Variants in PLD5 observed in about 807,000 individuals in gnomAD.
PLD5 encodes inactive phospholipase D5.
In PLD5, 36 loss-of-function variants were observed where a neutral mutation model predicts 61.1. The ratio of observed to expected loss-of-function variants is 0.59; its 90% CI spans 0.45 to 0.78. The LOEUF is 0.78. Ranked by LOEUF, PLD5 falls within the 30% of genes least tolerant of loss-of-function variation. The pLI, the probability that PLD5 is intolerant of heterozygous loss-of-function variation, is 0.00. For synonymous variants in PLD5, 243 were observed against 242.8 expected (o/e 1.00, Z -0.01); for missense variants, 515 against 644.4 (o/e 0.80, Z 2.17).
chr1:242,331,390 G>A (rs1450033835), intron 2 of PLD5, among the ~76,000 whole-genome samples: 2 of 151,952 alleles, frequency 1.3e-5, no homozygotes, highest in Non-Finnish European at 2.9e-5. Flanking sequence ...AAATGTCACT[G>A]CTGCCTTCTT....
intron 1 of PLD5, among the ~76,000 whole-genome samples, chr1:242,484,974 A>G (rs1382024539): frequency 6.6e-6 from 1 of 152,202 alleles, no homozygotes; most frequent in Non-Finnish European, 1.5e-5. Context: ...GATTATCTCA[A>G]TAGATGCAGA....
chr1:242,179,286 G>A (rs1039466286), intron 5 of PLD5, among the ~76,000 whole-genome samples: 9 of 152,130 alleles, frequency 5.9e-5, no homozygotes, highest in African/African-American at 2.2e-4. Context: ...GAGGGCAAGG[G>A]GAGCAGACGG....
rs1023875557 is a variant in PLD5 at position 242,449,847 on chromosome 1, G to A, written c.189+74241C>T. On this transcript the variant is annotated intron_variant, in intron 1 of 9. Transcript: ENST00000536534. ...AGGAGAATCCTGCCTAGACAAAGAC[G>A]AGCGAAGAGGGGCAATGCTGACGAG... Among the ~76,000 whole-genome samples the A allele has an allele frequency of 3.3e-5, 5 of 152,282 alleles. 1 individual carries two copies. In the South Asian group the frequency reaches 6.2e-4, roughly 19 times the overall value.
chr1:242,220,244 A>C lies in PLD5; in HGVS notation c.608-129T>G. Reference sequence around the variant, plus strand: ...TGACATTTAGGAAAGCTAAATATTTATGTTAGTTTGGTGGAGAGAAGGTCC... The same window carrying C: ...TGACATTTAGGAAAGCTAAATATTTCTGTTAGTTTGGTGGAGAGAAGGTCC... On this transcript the variant is annotated intron_variant, in intron 4 of 9. Coordinates refer to ENST00000536534, the MANE Select transcript of PLD5 (RefSeq NM_001372062.1). 2.4e-6 allele frequency: 3 copies of C among 1,258,098 alleles called. No homozygotes were observed. The East Asian group carries it at 7.3e-5, about 30-fold the overall frequency. 77.9% of individuals were successfully genotyped at this position (1,258,098 alleles called of 1,614,324 possible). A position where few individuals can be genotyped will look rare whatever the true frequency, so the allele number is the denominator to read the frequency against.
intron 3 of PLD5, among the ~76,000 whole-genome samples, chr1:242,286,800 A>G (rs1675051264): frequency 6.6e-6 from 1 of 152,180 alleles, no homozygotes; most frequent in Non-Finnish European, 1.5e-5. Flanking sequence ...GATCTAGCCA[A>G]AGAGCCCACG....
chr1:242,387,616 TTGTATTTTA>T (rs1662669139), intron 1 of PLD5, among the ~76,000 whole-genome samples: 2 of 150,042 alleles, frequency 1.3e-5, no homozygotes, highest in East Asian at 3.9e-4. Flanking sequence ...CATATATATT[TTGTATTTTA>T]TCTATTTTAT....
intron 5 of PLD5, among the ~76,000 whole-genome samples, chr1:242,208,219 C>A (rs1669566576): frequency 6.6e-6 from 1 of 151,688 alleles, no homozygotes; most frequent in African/African-American, 2.4e-5. Context: ...CTTCAGCATG[C>A]CTGCACAGGT....
chr1:242,194,632 ATCT>A, intron 5 of PLD5, among the ~76,000 whole-genome samples: 1 of 125,012 alleles, frequency 8.0e-6, no homozygotes, highest in African/African-American at 3.0e-5. Flanking sequence ...CTATCTATCT[ATCT>A]ATCTATCTAT....
Position 242,323,816 on chromosome 1 carries a change from C to T in PLD5, c.326+24290G>A, listed in dbSNP as rs544824883. On this transcript the variant is annotated intron_variant, in intron 2 of 9. Coordinates refer to ENST00000536534, the MANE Select transcript of PLD5 (RefSeq NM_001372062.1). ...TCTAGTACTAAAATGTTTAAATGGA[C>T]TCTGCATAGAGGATCAGAGGTTTCC... Among the ~76,000 whole-genome samples the T allele has an allele frequency of 1.2e-4, 18 of 152,148 alleles. 1 individual carries two copies. The East Asian group carries it at 3.5e-3, about 29-fold the overall frequency.
chr1:242,499,969 C>T (rs2342270), intron 1 of PLD5, among the ~76,000 whole-genome samples: 12,165 of 152,172 alleles, frequency 0.08, 1,220 homozygotes, highest in African/African-American at 0.24. Flanking sequence ...GATGGCTGAC[C>T]ACAGTGCTTA....
At chr1:242,498,228 G>T (rs1247041253) in intron 1 of PLD5, among the ~76,000 whole-genome samples, 1 of 152,224 alleles carries the variant, frequency 6.6e-6, no homozygotes, top group Non-Finnish European at 1.5e-5. Flanking sequence ...CTCCCGAAGT[G>T]CTGGGATTAC....
At chr1:242,484,479 G>T (rs562117822) in intron 1 of PLD5, among the ~76,000 whole-genome samples, 4 of 152,108 alleles carry the variant, frequency 2.6e-5, no homozygotes, top group Admixed American at 1.3e-4. Flanking sequence ...TAAATTCCTC[G>T]ACACGTACAC....
intron 1 of PLD5, among the ~76,000 whole-genome samples, chr1:242,448,302 T>C (rs1364392911): frequency 6.6e-6 from 1 of 152,164 alleles, no homozygotes; most frequent in Non-Finnish European, 1.5e-5. Context: ...CTTTCTGAGT[T>C]GCTGGAAAGG....
intron 5 of PLD5, among the ~76,000 whole-genome samples, chr1:242,194,575 T>TATCA (rs1553320975): frequency 1.5e-5 from 1 of 66,056 alleles, no homozygotes; most frequent in African/African-American, 7.7e-5. Flanking sequence ...TATATCTATC[T>TATCA]ATCTATCTAT....
At chr1:242,435,395 A>G (rs1434968534) in intron 1 of PLD5, among the ~76,000 whole-genome samples, 1 of 149,478 alleles carries the variant, frequency 6.7e-6, no homozygotes, top group Admixed American at 6.6e-5. Context: ...ACAAGGCCTT[A>G]GCATCTGTGT....
intron 1 of PLD5, among the ~76,000 whole-genome samples, chr1:242,390,345 A>C (rs1662857238): frequency 6.6e-6 from 1 of 152,170 alleles, no homozygotes; most frequent in South Asian, 2.1e-4. Flanking sequence ...ATTCTGGTCA[A>C]CTGAAGCAGA....
chr1:242,138,441 A>AT (rs1026308464), intron 5 of PLD5, among the ~76,000 whole-genome samples: 30 of 150,886 alleles, frequency 2.0e-4, no homozygotes, highest in South Asian at 1.5e-3. Context: ...ATTAGAAGGG[A>AT]TTTTTTTTTT....
Position 242,325,492 on chromosome 1 carries a change from G to A in PLD5, c.326+22614C>T, listed in dbSNP as rs548500498. On this transcript the variant is annotated intron_variant, in intron 2 of 9. Transcript: ENST00000536534. ...GAGAGTAGGGGGGAGAGAAGGTGGA[G>A]AGAAGAGAGAGAGAGAGAGTCAGAG... is the stretch of plus-strand genomic sequence containing the variant. Among the ~76,000 whole-genome samples, 10 of 151,646 alleles carry A rather than the reference G, an allele frequency of 6.6e-5. No homozygotes were observed. In the East Asian group the frequency reaches 1.9e-3, roughly 30 times the overall value.
intron 5 of PLD5, among the ~76,000 whole-genome samples, chr1:242,198,100 G>GAATA (rs1668756652): frequency 6.6e-6 from 1 of 151,182 alleles, no homozygotes; most frequent in Non-Finnish European, 1.5e-5. Context: ...ATGAATGAAT[G>GAATA]AATAAATGAA....
Sources: allele counts gnomAD v4.1 joint callset (sites outside exome capture counted in the v4.1 genomes callset), GRCh38; gene constraint gnomAD v4.1.1; transcripts MANE v1.5; gene names NCBI Gene and HGNC (gene_info 2026-07-23, HGNC 2026-07-21).